Variants in RERE observed in about 807,000 individuals in gnomAD.
RERE encodes arginine-glutamic acid dipeptide repeats protein.
Under a neutral mutation model 146.1 loss-of-function variants are expected in RERE, and 40 were observed. The observed-to-expected ratio is 0.27, with a 90% CI of 0.21 to 0.36. RERE has a LOEUF of 0.36. Ranked by LOEUF, RERE falls within the 10% of genes least tolerant of loss-of-function variation. RERE has a pLI of 1.00. For missense variants in RERE, 1,933 were observed against 2,138.7 expected (o/e 0.90, Z 1.90); for synonymous variants, 1,003 against 866.0 (o/e 1.16, Z -2.78).
At chr1:8,715,918 G>A (rs1367419343) in intron 1 of RERE, among the ~76,000 whole-genome samples, 1 of 151,662 alleles carries the variant, frequency 6.6e-6, no homozygotes, top group Non-Finnish European at 1.5e-5. Context: ...GGACGGGCGG[G>A]GAAGAGATTT....
Position 8,585,710 on chromosome 1 carries a change from G to C in RERE, c.523-28187C>G, listed in dbSNP as rs539154895. Among the ~76,000 whole-genome samples, 3 of 152,232 alleles carry C rather than the reference G, an allele frequency of 2.0e-5. No individual in the cohort carries two copies. In the South Asian group the frequency reaches 6.2e-4, roughly 32 times the overall value. ...GCAATTAGCTGAAATCCATCAAATA[G>C]GTTTAAGAATACTCCAATGTATTAT... On this transcript the variant is annotated intron_variant, in intron 4 of 22. Transcript: ENST00000400908.
intron 1 of RERE, among the ~76,000 whole-genome samples, chr1:8,805,686 G>A (rs575265420): frequency 6.6e-6 from 1 of 151,252 alleles, no homozygotes; most frequent in Non-Finnish European, 1.5e-5. Flanking sequence ...AATTAGTCAG[G>A]CATGGTGGTG....
chr1:8,802,349 CATCTGCTATA>C (rs1336142062), intron 1 of RERE, among the ~76,000 whole-genome samples: 2 of 152,234 alleles, frequency 1.3e-5, no homozygotes, highest in African/African-American at 4.8e-5. Context: ...CGCCTGCCTG[CATCTGCTATA>C]AAACATTTTA....
intron 8 of RERE, among the ~76,000 whole-genome samples, chr1:8,502,241 C>A (rs1392686689): frequency 8.6e-4 from 97 of 112,882 alleles, no homozygotes; most frequent in Non-Finnish European, 4.8e-4. Flanking sequence ...GGCCAGCCAC[C>A]CCGTCCGGGA....
rs544135067 is a variant in RERE at position 8,692,503 on chromosome 1, C to T, written c.-144-36062G>A. The stretch of plus-strand genomic sequence containing the variant: ...CTGCGACTAGAGGCGCCTACCACCA[C>T]ATCTGGCTAATATTTTTGTATTTTT... On this transcript the variant is annotated intron_variant, in intron 1 of 22. Coordinates refer to ENST00000400908, the MANE Select transcript of RERE (RefSeq NM_001042681.2). Among the ~76,000 whole-genome samples, 43 of 152,148 alleles carry T rather than the reference C, an allele frequency of 2.8e-4. 1 individual carries two copies. The South Asian group carries it at 8.7e-3, about 31-fold the overall frequency.
intron 11 of RERE, among the ~76,000 whole-genome samples, chr1:8,453,682 T>C (rs1644414921): frequency 6.6e-6 from 1 of 152,152 alleles, no homozygotes; most frequent in Non-Finnish European, 1.5e-5. Flanking sequence ...GACACACACC[T>C]GTAGTCCCAG....
chr1:8,736,865 A>C lies in RERE; in HGVS notation c.-145+80295T>G, dbSNP rs930064082. Among the ~76,000 whole-genome samples the C allele has an allele frequency of 9.5e-4, 144 of 151,874 alleles. 1 individual carries two copies. The highest frequency in any genetic ancestry group is 3.3e-3 in the African/African-American group (138 of 41,478). On this transcript the variant is annotated intron_variant, in intron 1 of 22. Transcript: ENST00000400908. ...GAAGCAAGGGGGAAAAAAAAAAAAA[A>C]AAAAAAAAAACTAAAACCTTTGGAG...
chr1:8,459,480 G>A (rs1297957595), intron 11 of RERE, among the ~76,000 whole-genome samples: 2 of 152,138 alleles, frequency 1.3e-5, no homozygotes, highest in Admixed American at 6.5e-5. Context: ...ATGTGATGCA[G>A]TAGATACATT....
intron 7 of RERE, among the ~76,000 whole-genome samples, chr1:8,520,279 A>G (rs184081127): frequency 6.6e-6 from 1 of 152,294 alleles, no homozygotes; most frequent in East Asian, 1.9e-4. Flanking sequence ...CTGAGGAAAG[A>G]AAAGTGCTCT....
At chr1:8,638,411 TG>T (rs755087773) in intron 2 of RERE, among the ~76,000 whole-genome samples, 33 of 152,350 alleles carry the variant, frequency 2.2e-4, no homozygotes, top group Non-Finnish European at 4.3e-4. Flanking sequence ...TTTGATGAAC[TG>T]GTAAAAATAA....
At chr1:8,782,058 C>T (rs1442057688) in intron 1 of RERE, among the ~76,000 whole-genome samples, 1 of 152,098 alleles carries the variant, frequency 6.6e-6, no homozygotes, top group Non-Finnish European at 1.5e-5. Context: ...CAGCAAATAT[C>T]CTCAAAAAGG....
intron 1 of RERE, among the ~76,000 whole-genome samples, chr1:8,743,749 C>G (rs1640363238): frequency 6.6e-6 from 1 of 152,008 alleles, no homozygotes; most frequent in Non-Finnish European, 1.5e-5. Flanking sequence ...GGCTCAGTCC[C>G]TCACTTATTT....
intron 12 of RERE, among the ~76,000 whole-genome samples, chr1:8,420,568 C>G (rs1643896574): frequency 6.6e-6 from 1 of 152,186 alleles, no homozygotes; most frequent in African/African-American, 2.4e-5. Context: ...ATAATACTTA[C>G]AGATTTACCC....
At chr1:8,575,561 A>ATATATATATATATATAT (rs1337650659) in intron 4 of RERE, among the ~76,000 whole-genome samples, 1 of 98,680 alleles carries the variant, frequency 1.0e-5, no homozygotes, top group African/African-American at 4.6e-5. Context: ...ATATATATAT[A>ATATATATATATATATAT]TTTTTTTTTT....
At chr1:8,692,344 C>CTTTTTTTTTTTTTTTTTTT (rs55723477) in intron 1 of RERE, among the ~76,000 whole-genome samples, 1 of 147,596 alleles carries the variant, frequency 6.8e-6, no homozygotes. Context: ...CTCCCATATA[C>CTTTTTTTTTTTTTTTTTTT]TTTTTTTTTT....
intron 10 of RERE, among the ~76,000 whole-genome samples, chr1:8,471,244 C>T (rs1050135421): frequency 2.6e-5 from 4 of 152,126 alleles, no homozygotes; most frequent in Non-Finnish European, 5.9e-5. Flanking sequence ...TTCTTTCCTT[C>T]GACACATTTA....
At chr1:8,696,783 G>A (rs189078483) in intron 1 of RERE, among the ~76,000 whole-genome samples, 2 of 147,716 alleles carry the variant, frequency 1.4e-5, no homozygotes, top group Non-Finnish European at 3.0e-5. Flanking sequence ...GGTGGCAGGC[G>A]CCTGTAGTCC....
chr1:8,658,350 G>C (rs1638371632), intron 1 of RERE, among the ~76,000 whole-genome samples: 1 of 152,178 alleles, frequency 6.6e-6, no homozygotes, highest in African/African-American at 2.4e-5. Flanking sequence ...TGTTTCTCAT[G>C]CAACTAGGGT....
At chr1:8,372,431 T>A (rs993711626) in intron 12 of RERE, among the ~76,000 whole-genome samples, 1 of 149,434 alleles carries the variant, frequency 6.7e-6, no homozygotes, top group Admixed American at 6.7e-5. Flanking sequence ...GGGGAGGGAG[T>A]GCAATAGAAG....
Sources: gnomAD v4.1 joint callset for allele counts (sites outside exome capture counted in the v4.1 genomes callset) on GRCh38, gnomAD v4.1.1 for gene constraint, MANE v1.5 for transcripts, NCBI Gene and HGNC (gene_info 2026-07-23, HGNC 2026-07-21) for gene names.